Variants in TMC1 observed in about 807,000 individuals in gnomAD.
TMC1 encodes the protein transmembrane channel-like protein 1.
A neutral mutation model predicts 105.8 loss-of-function variants in TMC1; 84 were observed. The ratio of observed to expected loss-of-function variants is 0.79; its 90% CI spans 0.67 to 0.95. The LOEUF is 0.95. Ranked by LOEUF, TMC1 falls within the 40% of genes least tolerant of loss-of-function variation. The probability of loss-of-function intolerance (pLI) is 0.00; values close to 1 mark genes in which losing one functional copy is unlikely to be tolerated. For synonymous variants in TMC1, 315 were observed against 311.5 expected (o/e 1.01, Z -0.12); for missense variants, 817 against 914.1 (o/e 0.89, Z 1.37).
Position 72,575,667 on chromosome 9 carries a change from G to A in TMC1, c.-427-2235G>A, listed in dbSNP as rs138898143. ...ATTGGTCCATTCTTGCCCAGAAGGC[G>A]ACACTAACTGAAACAAAGAAGCCTC... On this transcript the variant is annotated intron_variant, in intron 1 of 23. Coordinates refer to ENST00000297784, the MANE Select transcript of TMC1 (RefSeq NM_138691.3). Among the ~76,000 whole-genome samples, 154 of 152,222 alleles carry A rather than the reference G, an allele frequency of 1.0e-3. 1 individual carries two copies. The highest frequency in any genetic ancestry group is 1.5e-3 in the Non-Finnish European group (99 of 68,020).
chr9:72,688,131 A>G (rs899081714), intron 5 of TMC1, among the ~76,000 whole-genome samples: 4 of 152,132 alleles, frequency 2.6e-5, no homozygotes, highest in African/African-American at 7.2e-5. Flanking sequence ...ACCTATCTCC[A>G]TGTTGCCAAA....
intron 5 of TMC1, among the ~76,000 whole-genome samples, chr9:72,668,244 A>G (rs377551848): frequency 1.3e-5 from 2 of 152,144 alleles, no homozygotes; most frequent in African/African-American, 2.4e-5. Context: ...ATTTGTTTTC[A>G]TAATTTGTTG....
In TMC1 at chr9:72,837,619, A is replaced by G. The variant is rs1340209631; in HGVS notation, c.*1646A>G. On this transcript the variant is annotated 3_prime_UTR_variant, in exon 24 of 24. Coordinates refer to ENST00000297784, the MANE Select transcript of TMC1 (RefSeq NM_138691.3). ...AGCATTATTATGGATTTACAGTTTG[A>G]ATTGACTTTAAGTAGTAACACTCAG... 2 of 152,208 alleles carry G rather than the reference A, an allele frequency of 1.3e-5. No homozygotes were observed. The highest frequency in any genetic ancestry group is 4.8e-5 in the African/African-American group (2 of 41,436). The allele number at this position is 152,208 out of a possible 1,614,324, so 9.4% of individuals were successfully genotyped here.
chr9:72,740,565 T>C (rs1168563674), intron 9 of TMC1, among the ~76,000 whole-genome samples: 1 of 152,142 alleles, frequency 6.6e-6, no homozygotes, highest in Non-Finnish European at 1.5e-5. Context: ...ATAGTTTTTT[T>C]CTACCAGGAA....
At chr9:72,832,881 C>T (rs566020939) in intron 23 of TMC1, among the ~76,000 whole-genome samples, 1 of 152,142 alleles carries the variant, frequency 6.6e-6, no homozygotes, top group East Asian at 1.9e-4. Flanking sequence ...TCATGAAAAA[C>T]AGCATCTTCT....
intron 8 of TMC1, among the ~76,000 whole-genome samples, chr9:72,725,521 C>T (rs550278002): frequency 1.7e-4 from 26 of 151,492 alleles, no homozygotes; most frequent in African/African-American, 6.3e-4. Flanking sequence ...GTCCGATATT[C>T]GAGGGCATGA....
At chr9:72,683,733 T>TA (rs1588029653) in intron 5 of TMC1, among the ~76,000 whole-genome samples, 1,563 of 53,270 alleles carry the variant, frequency 0.029, 162 homozygotes, top group African/African-American at 0.067. Flanking sequence ...GTTACACATT[T>TA]TATATATATA....
Position 72,556,714 on chromosome 9 carries a change from C to T in TMC1, c.-427-21188C>T, listed in dbSNP as rs548049089. 3.3e-5 allele frequency among the ~76,000 whole-genome samples: 5 copies of T among 151,852 alleles called. No individual in the cohort carries two copies. The East Asian group carries it at 7.9e-4, about 24-fold the overall frequency. On this transcript the variant is annotated intron_variant, in intron 1 of 23. Coordinates refer to ENST00000297784, the MANE Select transcript of TMC1 (RefSeq NM_138691.3). Reference sequence around the variant, plus strand: ...GTGCGTGCCTGTAATCCCAGCTACTCGGGAGGCCGAAGCAGGAGAATCACT... The same window carrying T: ...GTGCGTGCCTGTAATCCCAGCTACTTGGGAGGCCGAAGCAGGAGAATCACT...
chr9:72,623,158 T>TC (rs202123284), intron 3 of TMC1, among the ~76,000 whole-genome samples: 12,281 of 131,748 alleles, frequency 0.093, 679 homozygotes, highest in African/African-American at 0.15. Flanking sequence ...TTTTTTTTTT[T>TC]TTTCTTTTTT....
At chr9:72,539,029 G>A (rs1477594118) in intron 1 of TMC1, among the ~76,000 whole-genome samples, 1 of 152,010 alleles carries the variant, frequency 6.6e-6, no homozygotes. Context: ...GGGGGAGTTT[G>A]AATTTTAATT....
intron 18 of TMC1, among the ~76,000 whole-genome samples, chr9:72,807,210 C>G (rs1828615044): frequency 1.3e-5 from 2 of 152,176 alleles, no homozygotes; most frequent in Admixed American, 6.5e-5. Context: ...GCAGTACAGT[C>G]CAGCTTCGGC....
intron 8 of TMC1, among the ~76,000 whole-genome samples, chr9:72,703,540 C>A (rs1242604960): frequency 6.6e-6 from 1 of 152,210 alleles, no homozygotes; most frequent in Non-Finnish European, 1.5e-5. Context: ...AAGCACCTGG[C>A]CTCTATTAAT....
chr9:72,653,118 A>G (rs1300272666), intron 5 of TMC1, among the ~76,000 whole-genome samples: 2 of 152,226 alleles, frequency 1.3e-5, no homozygotes, highest in African/African-American at 4.8e-5. Context: ...TCATTCATTC[A>G]TCTGATCACA....
chr9:72,574,460 A>G (rs555359911), intron 1 of TMC1, among the ~76,000 whole-genome samples: 2 of 152,356 alleles, frequency 1.3e-5, no homozygotes, highest in South Asian at 4.1e-4. Context: ...GACTGCTCCC[A>G]TTTCAGAAAG....
At chr9:72,525,146 T>C (rs929862440) in intron 1 of TMC1, among the ~76,000 whole-genome samples, 1 of 152,204 alleles carries the variant, frequency 6.6e-6, no homozygotes, top group Admixed American at 6.5e-5. Context: ...CCAAATATAA[T>C]AGCTTATCTG....
chr9:72,821,142 G>A, intron 20 of TMC1, 61 bp downstream of exon 20: 2 of 1,610,352 alleles, frequency 1.2e-6, no homozygotes, highest in Non-Finnish European at 1.7e-6. Flanking sequence ...AGGTGGGAAT[G>A]GTCATTCATT....
intron 4 of TMC1, among the ~76,000 whole-genome samples, chr9:72,629,672 A>G (rs760040461): frequency 1.3e-5 from 2 of 152,212 alleles, no homozygotes; most frequent in African/African-American, 2.4e-5. Flanking sequence ...TTGAGAGCAT[A>G]TAACTTATAT....
chr9:72,596,414 T>C (rs1824720699), intron 2 of TMC1, among the ~76,000 whole-genome samples: 1 of 152,096 alleles, frequency 6.6e-6, no homozygotes, highest in African/African-American at 2.4e-5. Flanking sequence ...ACTAATCATG[T>C]TGTCCCACTC....
At chr9:72,609,559 A>G (rs1041637910) in intron 2 of TMC1, among the ~76,000 whole-genome samples, 23 of 151,784 alleles carry the variant, frequency 1.5e-4, no homozygotes, top group African/African-American at 5.6e-4. Flanking sequence ...CAACAACAAC[A>G]AAAACAAACT....
Sources: allele counts gnomAD v4.1 joint callset (sites outside exome capture counted in the v4.1 genomes callset), GRCh38; gene constraint gnomAD v4.1.1; transcripts MANE v1.5; gene names NCBI Gene and HGNC (gene_info 2026-07-23, HGNC 2026-07-21).